The following GABRG2 variants were observed in gnomAD, a reference collection of about 807,000 sequenced individuals.
GABRG2 encodes the protein gamma-aminobutyric acid receptor subunit gamma-2.
In GABRG2, 16 loss-of-function variants were observed where a neutral mutation model predicts 56.4. The ratio of observed to expected loss-of-function variants is 0.28; its 90% CI spans 0.19 to 0.43. GABRG2 has a LOEUF of 0.43. Ranked by LOEUF, GABRG2 falls within the 20% of genes least tolerant of loss-of-function variation. GABRG2 has a pLI of 1.00. For missense variants in GABRG2, 327 were observed against 582.7 expected (o/e 0.56, Z 4.52); for synonymous variants, 208 against 205.5 (o/e 1.01, Z -0.10).
intron 6 of GABRG2, among the ~76,000 whole-genome samples, chr5:162,106,326 G>T (rs1212298183): frequency 1.3e-5 from 2 of 152,032 alleles, no homozygotes; most frequent in African/African-American, 4.8e-5. Context: ...CTTCACAGTT[G>T]GCCTTCTCTC....
At chr5:162,075,663 T>C (rs993820186) in intron 1 of GABRG2, among the ~76,000 whole-genome samples, 3 of 151,958 alleles carry the variant, frequency 2.0e-5, no homozygotes, top group Non-Finnish European at 4.4e-5. Context: ...GCACTCATTT[T>C]CCCCCAAATT....
intron 1 of GABRG2, among the ~76,000 whole-genome samples, chr5:162,078,403 T>G (rs1283678522): frequency 2.2e-5 from 2 of 89,556 alleles, no homozygotes; most frequent in South Asian, 1.0e-3. Context: ...ATATATTTTT[T>G]TTTTTTTTTT....
intron 6 of GABRG2, among the ~76,000 whole-genome samples, chr5:162,141,016 C>A (rs970664638): frequency 6.6e-6 from 1 of 151,884 alleles, no homozygotes; most frequent in African/African-American, 2.4e-5. Flanking sequence ...TATTTACATA[C>A]ATTTTGCTTC....
At chr5:162,127,115 C>T (rs1047025118) in intron 6 of GABRG2, among the ~76,000 whole-genome samples, 1 of 151,962 alleles carries the variant, frequency 6.6e-6, no homozygotes, top group African/African-American at 2.4e-5. Flanking sequence ...TAAGTACAGA[C>T]ACGTAAGTAA....
intron 6 of GABRG2, among the ~76,000 whole-genome samples, chr5:162,127,930 G>A (rs559563400): frequency 6.6e-6 from 1 of 152,104 alleles, no homozygotes; most frequent in South Asian, 2.1e-4. Context: ...AGAGCACAGA[G>A]TGCTGCTCAG....
chr5:162,151,937 T>A, intron 9 of GABRG2, 184 bp downstream of exon 9: 2 of 533,078 alleles, frequency 3.8e-6, no homozygotes, highest in Non-Finnish European at 6.5e-6. Context: ...TTCACATAGG[T>A]TTTAATCTTA....
intron 8 of GABRG2, 70 bp downstream of exon 8, chr5:162,149,383 A>G: frequency 7.0e-7 from 1 of 1,421,472 alleles, no homozygotes; most frequent in East Asian, 2.3e-5. Context: ...TCATTAGCCT[A>G]TCTGCAGGCT....
chr5:162,144,690 AG>A (rs1195382064), intron 7 of GABRG2, among the ~76,000 whole-genome samples: 4 of 152,128 alleles, frequency 2.6e-5, no homozygotes, highest in African/African-American at 9.7e-5. Flanking sequence ...CAGCATAAGG[AG>A]GTAGTAGATC....
intron 1 of GABRG2, among the ~76,000 whole-genome samples, chr5:162,087,358 A>T (rs553342518): frequency 3.3e-5 from 5 of 152,100 alleles, no homozygotes; most frequent in African/African-American, 9.6e-5. Context: ...AAGGTTAAAT[A>T]TTTATCATTT....
At position 162,078,392 on chromosome 5, in the gene GABRG2, TATATA is replaced by T. The variant is rs1487834655; in HGVS notation, c.107+10287_107+10291del. 2.6e-3 allele frequency among the ~76,000 whole-genome samples: 97 copies of T among 37,376 alleles called. 3 individuals are homozygous for T. Among genetic ancestry groups the T allele is most frequent in the East Asian group, 7.9e-3 (10 of 1,260 alleles). 24.5% of individuals were successfully genotyped at this position (37,376 alleles called of 152,430 possible). ...TACTATATATATATATATATATATA[TATATA>T]TTTTTTTTTTTTTTTTTTTTTTTTT... is the stretch of plus-strand genomic sequence containing the variant. On this transcript the variant is annotated intron_variant, in intron 1 of 9. Transcript: ENST00000639213.
chr5:162,082,103 A>G (rs780698868), intron 1 of GABRG2, among the ~76,000 whole-genome samples: 1 of 151,822 alleles, frequency 6.6e-6, no homozygotes, highest in Non-Finnish European at 1.5e-5. Flanking sequence ...TTCAGTGCTT[A>G]TGTGTTCTGC....
intron 1 of GABRG2, among the ~76,000 whole-genome samples, chr5:162,092,783 G>C (rs1198132764): frequency 6.6e-6 from 1 of 152,110 alleles, no homozygotes; most frequent in Non-Finnish European, 1.5e-5. Context: ...AGGTAAAGAT[G>C]GGGGCAGGGG....
At chr5:162,079,200 A>G (rs951660042) in intron 1 of GABRG2, among the ~76,000 whole-genome samples, 1 of 152,062 alleles carries the variant, frequency 6.6e-6, no homozygotes, top group African/African-American at 2.4e-5. Flanking sequence ...TGGGAGACTG[A>G]CTTCCCTTTG....
intron 6 of GABRG2, among the ~76,000 whole-genome samples, chr5:162,137,566 GT>G (rs1012832682): frequency 2.0e-5 from 3 of 151,388 alleles, no homozygotes; most frequent in Admixed American, 6.6e-5. Flanking sequence ...AAAATTTAGG[GT>G]TTTTTTTCTC....
chr5:162,115,599 G>A (rs1023846080), intron 6 of GABRG2, among the ~76,000 whole-genome samples: 9 of 152,022 alleles, frequency 5.9e-5, no homozygotes, highest in African/African-American at 1.7e-4. Context: ...TGAAATTACT[G>A]TGAATGAGAA....
intron 4 of GABRG2, 73 bp downstream of exon 4, chr5:162,097,931 T>A: frequency 1.6e-6 from 2 of 1,270,416 alleles, no homozygotes; most frequent in African/African-American, 1.5e-5. Flanking sequence ...ACCTTAAGTC[T>A]CTAAAAGAAA....
intron 1 of GABRG2, among the ~76,000 whole-genome samples, chr5:162,076,675 A>C (rs890913729): frequency 1.3e-5 from 2 of 152,204 alleles, no homozygotes; most frequent in African/African-American, 4.8e-5. Context: ...TATTCAGAGC[A>C]AACTCAGGTT....
chr5:162,074,467 G>T (rs959747950), intron 1 of GABRG2, among the ~76,000 whole-genome samples: 1 of 152,028 alleles, frequency 6.6e-6, no homozygotes, highest in East Asian at 1.9e-4. Flanking sequence ...TAAAGCCAAA[G>T]TCTACCTAGT....
intron 1 of GABRG2, among the ~76,000 whole-genome samples, chr5:162,068,712 AG>A: frequency 6.6e-6 from 1 of 152,150 alleles, no homozygotes; most frequent in Non-Finnish European, 1.5e-5. Flanking sequence ...TGAGGGCCAA[AG>A]GGATAGAGGC....
Sources: gnomAD v4.1 joint callset for allele counts (sites outside exome capture counted in the v4.1 genomes callset) on GRCh38, gnomAD v4.1.1 for gene constraint, MANE v1.5 for transcripts, NCBI Gene and HGNC (gene_info 2026-07-23, HGNC 2026-07-21) for gene names.